The following FMNL3 variants were observed in gnomAD, a reference collection of about 807,000 sequenced individuals.
FMNL3 encodes the protein formin like 3.
A neutral mutation model predicts 119.6 loss-of-function variants in FMNL3; 57 were observed. The observed-to-expected ratio is 0.48, with a 90% CI of 0.39 to 0.59. The LOEUF is 0.59. Ranked by LOEUF, FMNL3 falls within the 20% of genes least tolerant of loss-of-function variation. FMNL3 has a pLI of 0.00. For synonymous variants in FMNL3, 491 were observed against 507.3 expected (o/e 0.97, Z 0.43); for missense variants, 1,053 against 1,323.5 (o/e 0.80, Z 3.17).
chr12:49,664,330 T>C (rs914473895), intron 4 of FMNL3, among the ~76,000 whole-genome samples: 39 of 152,192 alleles, frequency 2.6e-4, no homozygotes, highest in Non-Finnish European at 2.1e-4. Flanking sequence ...ACTTGAGCCC[T>C]GGAAGTTGAG....
rs758618097 is a variant in FMNL3 at position 49,654,938 on chromosome 12, C to T, written c.932G>A (p.Arg311Gln). The T allele has an allele frequency of 3.8e-5, 61 of 1,613,974 alleles. No homozygotes were observed. Among genetic ancestry groups the T allele is most frequent in the Middle Eastern group, 1.6e-4 (1 of 6,084 alleles). ...GAAGTCAATATTGCTGTCCTCATTC[C>T]GGAAATACTCCATCAGCTTCTCAAA... ...HRFEKLMEYF[R>Q]NEDSNIDFMV... Residue 311 changes from arginine to glutamine, a missense_variant, in exon 10 of 26, where the codon CGG (arginine) becomes CAG (glutamine). Arg to Gln is a conservative substitution (Grantham distance 43). This residue lies in a region of FMNL3 where 445 missense variants were observed against 628.4 expected (regional missense o/e 0.71). Coordinates refer to ENST00000335154, the MANE Select transcript of FMNL3 (RefSeq NM_175736.5).
intron 2 of FMNL3, 66 bp downstream of exon 2, chr12:49,668,405 G>T: frequency 1.3e-6 from 2 of 1,500,280 alleles, no homozygotes; most frequent in Non-Finnish European, 1.9e-6. Flanking sequence ...AATGCCTTTG[G>T]CCCCACAGCC....
chr12:49,645,824 G>A lies in FMNL3; in HGVS notation c.3075C>T (p.Gly1025=). The A allele has an allele frequency of 6.2e-7, 1 of 1,602,214 alleles. No homozygotes were observed. Among genetic ancestry groups the A allele is most frequent in the Non-Finnish European group, 8.5e-7 (1 of 1,176,174 alleles). Reference sequence around the variant, plus strand: ...TGCCTCCGAGAGGGTCTCAGTGGGGGCCTGGAGCCCGAGGGGGACCACTGG... The same window carrying A: ...TGCCTCCGAGAGGGTCTCAGTGGGGACCTGGAGCCCGAGGGGGACCACTGG... ...APPSGPPRAP[G]PH Residue 1025 remains glycine (G), a synonymous_variant, in exon 26 of 26, where the codon GGC becomes GGT. Transcript: ENST00000335154.
chr12:49,669,831 CAACAAAACAAAACAAAACAA>C (rs58452472), intron 1 of FMNL3, among the ~76,000 whole-genome samples: 28 of 147,714 alleles, frequency 1.9e-4, no homozygotes, highest in Admixed American at 6.7e-4. Flanking sequence ...GATTCTATCT[CAACAAAACAAAACAAAACAA>C]AACAAAACAA....
rs1943217151 is a variant in FMNL3 at position 49,646,919 on chromosome 12, C to T, written c.2962G>A (p.Gly988Arg). 1 of 1,614,020 alleles carries T rather than the reference C, an allele frequency of 6.2e-7. No individual in the cohort carries two copies. Among genetic ancestry groups the T allele is most frequent in the Non-Finnish European group, 8.5e-7 (1 of 1,179,956 alleles). Residue 988 changes from glycine to arginine, a missense_variant, in exon 25 of 26, where the codon GGG becomes AGG. Around this residue, in one of 4 missense-constraint regions of FMNL3, gnomAD observed 324 missense variants for 380.9 expected, o/e 0.85. Transcript: ENST00000335154. ...QAKEHRPVYE[G>R]KDGTIEDIIT... The stretch of plus-strand genomic sequence containing the variant: ...ATGTCCTCGATGGTACCATCCTTCC[C>T]CTCATAAACAGGCCGGTGTTCCTTG...
chr12:49,658,660 G>GC, intron 5 of FMNL3, 66 bp from the exon 6 acceptor site: 3 of 1,482,802 alleles, frequency 2.0e-6, no homozygotes, highest in Non-Finnish European at 2.7e-6. Flanking sequence ...CAGTGCCAAG[G>GC]CCCCCCGTGA....
At chr12:49,662,082 T>A in intron 4 of FMNL3, 33 bp from the exon 5 acceptor site, 3 of 1,608,132 alleles carry the variant, frequency 1.9e-6, no homozygotes, top group South Asian at 2.2e-5. Flanking sequence ...GGAAGGGGTC[T>A]GCTAAAAGTG....
Position 49,648,460 on chromosome 12 carries a change from A to C in FMNL3, c.2516-107T>G, listed in dbSNP as rs1426718186. On this transcript the variant is annotated intron_variant, in intron 21 of 25. Coordinates refer to ENST00000335154, the MANE Select transcript of FMNL3 (RefSeq NM_175736.5). ...CCTCCCCCTCAGCATGGGCTCACTCAGGTTCACATACCTGTATGGACATAA... is the reference window on the plus strand; with the variant it reads ...CCTCCCCCTCAGCATGGGCTCACTCCGGTTCACATACCTGTATGGACATAA... 7 of 1,195,250 alleles carry C rather than the reference A, an allele frequency of 5.9e-6. No homozygotes were observed. In the Admixed American group the frequency reaches 1.1e-4, roughly 18 times the overall value. The allele number at this position is 1,195,250 out of a possible 1,614,324, so 74.0% of individuals were successfully genotyped here. A position where few individuals can be genotyped will look rare whatever the true frequency, so the allele number is the denominator to read the frequency against.
intron 1 of FMNL3, among the ~76,000 whole-genome samples, chr12:49,679,221 A>C (rs1944271866): frequency 6.6e-6 from 1 of 152,212 alleles, no homozygotes; most frequent in East Asian, 1.9e-4. Flanking sequence ...CTTGCCCCGC[A>C]TCACAAAGCA....
rs1942664775 is a variant in FMNL3, at chr12:49,641,631, C to G, written c.*4184G>C. ...GGGCCAGAGCTTTAAGCCAAAGGAACAAAAGTTAATTTTGAGAAACTCAGC... is the reference window on the plus strand; with the variant it reads ...GGGCCAGAGCTTTAAGCCAAAGGAAGAAAAGTTAATTTTGAGAAACTCAGC... On this transcript the variant is annotated 3_prime_UTR_variant, in exon 26 of 26. Coordinates refer to ENST00000335154, the MANE Select transcript of FMNL3 (RefSeq NM_175736.5). The G allele has an allele frequency of 2.3e-6, 1 of 433,594 alleles. No homozygotes were observed. The highest frequency in any genetic ancestry group is 2.0e-5 in the African/African-American group (1 of 50,374). 26.9% of individuals were successfully genotyped at this position (433,594 alleles called of 1,614,324 possible).
Position 49,647,121 on chromosome 12 carries a change from C to T in FMNL3, c.2872-112G>A. 1 of 1,569,570 alleles carries T rather than the reference C, an allele frequency of 6.4e-7. No individual in the cohort carries two copies. Among genetic ancestry groups the T allele is most frequent in the Non-Finnish European group, 8.7e-7 (1 of 1,150,744 alleles). ...CACTGCTTGTGCACTGCTAGGAATC[C>T]CCAAAGGCCCTCCCTCCATCCCTCT... is the stretch of plus-strand genomic sequence containing the variant. On this transcript the variant is annotated intron_variant, in intron 24 of 25. Transcript: ENST00000335154. The surrounding 1 kb of genome is among the most constrained non-coding windows in gnomAD (Gnocchi z 4.9).
chr12:49,677,656 A>G (rs1269702924), intron 1 of FMNL3, among the ~76,000 whole-genome samples: 2 of 152,230 alleles, frequency 1.3e-5, no homozygotes, highest in African/African-American at 4.8e-5. Flanking sequence ...GAATTTGGCG[A>G]TATCAAAATA....
chr12:49,686,790 G>C (rs1034514397), intron 1 of FMNL3, among the ~76,000 whole-genome samples: 2 of 152,062 alleles, frequency 1.3e-5, no homozygotes, highest in Non-Finnish European at 2.9e-5. Context: ...GGAAAGACAA[G>C]TATCTATTTA....
intron 2 of FMNL3, 21 bp downstream of exon 2, chr12:49,668,450 C>A: frequency 6.2e-7 from 1 of 1,612,326 alleles, no homozygotes; most frequent in Admixed American, 1.7e-5. Context: ...CTACCTCCCT[C>A]CTCTTTCCCA....
chr12:49,643,368 G>C lies in FMNL3; in HGVS notation c.*2447C>G, dbSNP rs1045189056. On this transcript the variant is annotated 3_prime_UTR_variant, in exon 26 of 26. Transcript: ENST00000335154. ...GGGGGTGCTGCCCTTGGAGGACGGG[G>C]CTCCCCTTCCTCCCATCTTCTTGGA... The C allele has an allele frequency of 1.1e-5, 17 of 1,578,402 alleles. No individual in the cohort carries two copies. The highest frequency in any genetic ancestry group is 5.6e-5 in the Admixed American group (3 of 53,426).
chr12:49,649,965 T>G lies in FMNL3; in HGVS notation c.2001-40A>C. 4.6e-6 allele frequency: 7 copies of G among 1,538,410 alleles called. No homozygotes were observed. Among genetic ancestry groups the G allele is most frequent in the African/African-American group, 1.4e-5 (1 of 73,252 alleles). On this transcript the variant is annotated intron_variant, in intron 17 of 25. Coordinates refer to ENST00000335154, the MANE Select transcript of FMNL3 (RefSeq NM_175736.5). The surrounding 1 kb of genome is among the most constrained non-coding windows in gnomAD (Gnocchi z 5.6). The stretch of plus-strand genomic sequence containing the variant: ...GGGACCACCTCAGTTCTCACATCTC[T>G]CCACGTTTTCCCTCATCCCTTTTAT...
chr12:49,660,312 G>A (rs928750189), intron 5 of FMNL3, among the ~76,000 whole-genome samples: 1 of 152,124 alleles, frequency 6.6e-6, no homozygotes, highest in African/African-American at 2.4e-5. Context: ...GGTACTCTTG[G>A]TTTAGGGTGG....
intron 1 of FMNL3, among the ~76,000 whole-genome samples, chr12:49,705,015 G>C (rs1157410072): frequency 6.6e-6 from 1 of 152,154 alleles, no homozygotes; most frequent in Non-Finnish European, 1.5e-5. Context: ...ATGGTAGAAA[G>C]GGTACCTTTC....
At chr12:49,653,639 C>G in intron 12 of FMNL3, 86 bp downstream of exon 12, 1 of 1,571,704 alleles carries the variant, frequency 6.4e-7, no homozygotes, top group Non-Finnish European at 8.7e-7. Flanking sequence ...GGGACTCAAT[C>G]TGGAGGCAAA....
Sources: gnomAD v4.1 joint callset for allele counts (sites outside exome capture counted in the v4.1 genomes callset) on GRCh38, gnomAD v4.1.1 for gene constraint, gnomAD v4.1.1 regional missense constraint, Gnocchi (gnomAD v3.1) non-coding constraint, MANE v1.5 for transcripts, NCBI Gene and HGNC (gene_info 2026-07-23, HGNC 2026-07-21) for gene names.